Variants in SGCZ observed in about 807,000 individuals in gnomAD.
SGCZ encodes the protein sarcoglycan zeta.
SGCZ carries 40 observed loss-of-function variants against 41.3 expected under a neutral mutation model. That is an observed-to-expected ratio of 0.97 (90% CI 0.75 to 1.26). The LOEUF (loss-of-function observed/expected upper bound fraction) is 1.26, where lower values mean the gene tolerates loss of function less well. Ranked by LOEUF, SGCZ falls within the 50% of genes most tolerant of loss-of-function variation. The pLI, the probability that SGCZ is intolerant of heterozygous loss-of-function variation, is 0.00. For synonymous variants in SGCZ, 206 were observed against 137.5 expected, an observed-to-expected ratio of 1.50 and a Z score of -3.49; for missense variants, 552 against 369.8, an observed-to-expected ratio of 1.49 and a Z score of -4.04.
intron 2 of SGCZ, among the ~76,000 whole-genome samples, chr8:14,446,179 AG>A (rs1313541354): frequency 1.3e-5 from 2 of 152,168 alleles, no homozygotes; most frequent in African/African-American, 4.8e-5. Context: ...CTGAATCTTC[AG>A]CAAGCCCAGC....
chr8:14,339,050 A>G (rs1585381987), intron 2 of SGCZ, among the ~76,000 whole-genome samples: 1 of 152,226 alleles, frequency 6.6e-6, no homozygotes, highest in East Asian at 1.9e-4. Flanking sequence ...AAGTGGGAAG[A>G]AAATTAGTAA....
chr8:14,201,718 C>G (rs1275771359), intron 4 of SGCZ, among the ~76,000 whole-genome samples: 2 of 152,046 alleles, frequency 1.3e-5, no homozygotes, highest in African/African-American at 2.4e-5. Flanking sequence ...ACTATATGCA[C>G]CTGTCAAAGC....
chr8:14,222,447 C>T (rs895833284), intron 4 of SGCZ, among the ~76,000 whole-genome samples: 2 of 151,956 alleles, frequency 1.3e-5, no homozygotes, highest in South Asian at 2.1e-4. Flanking sequence ...AGATTACACA[C>T]GTGAGCCACC....
At chr8:14,193,774 G>C (rs1044282657) in intron 4 of SGCZ, among the ~76,000 whole-genome samples, 1 of 151,594 alleles carries the variant, frequency 6.6e-6, no homozygotes, top group African/African-American at 2.4e-5. Flanking sequence ...TGTCACCCTT[G>C]TCCAGTCCAA....
Position 14,098,739 on chromosome 8 carries a change from G to C in SGCZ, c.744+3637C>G, listed in dbSNP as rs999322919. 3.9e-5 allele frequency among the ~76,000 whole-genome samples: 6 copies of C among 152,254 alleles called. No individual in the cohort carries two copies. The South Asian group carries it at 6.2e-4, about 16-fold the overall frequency. ...AGGAGGGGGATATGAAAATCTAATGGAGATGTGGAGAAGAGGGCTCATGTG... is the reference window on the plus strand; with the variant it reads ...AGGAGGGGGATATGAAAATCTAATGCAGATGTGGAGAAGAGGGCTCATGTG... On this transcript the variant is annotated intron_variant, in intron 7 of 7. Transcript: ENST00000382080.
intron 1 of SGCZ, among the ~76,000 whole-genome samples, chr8:14,642,704 G>A (rs948502854): frequency 6.6e-6 from 1 of 151,064 alleles, no homozygotes; most frequent in African/African-American, 2.4e-5. Flanking sequence ...GGTCTTTTTT[G>A]TAATGTAAAT....
chr8:14,462,670 C>T (rs978616142), intron 2 of SGCZ, among the ~76,000 whole-genome samples: 2 of 151,664 alleles, frequency 1.3e-5, no homozygotes, highest in Non-Finnish European at 2.9e-5. Context: ...CCACTTTGTT[C>T]TTCTTTTTCA....
intron 1 of SGCZ, among the ~76,000 whole-genome samples, chr8:14,852,491 C>A (rs1014696192): frequency 3.9e-5 from 6 of 152,104 alleles, no homozygotes; most frequent in African/African-American, 1.4e-4. Context: ...TAATCAAAAT[C>A]AAAAATTAAT....
At chr8:14,944,266 C>A (rs1357924475) in intron 1 of SGCZ, among the ~76,000 whole-genome samples, 1 of 152,118 alleles carries the variant, frequency 6.6e-6, no homozygotes, top group Non-Finnish European at 1.5e-5. Context: ...GTTTTAAAAC[C>A]CAGTTGTCAA....
At chr8:14,291,932 C>A (rs1314736569) in intron 3 of SGCZ, among the ~76,000 whole-genome samples, 5 of 151,974 alleles carry the variant, frequency 3.3e-5, no homozygotes, top group Non-Finnish European at 5.9e-5. Context: ...AAAGCCCCAA[C>A]TACTTTAATA....
intron 4 of SGCZ, among the ~76,000 whole-genome samples, chr8:14,182,143 C>T (rs1804748765): frequency 6.6e-6 from 1 of 152,142 alleles, no homozygotes; most frequent in African/African-American, 2.4e-5. Context: ...TCATACTCTA[C>T]TCAGGGACTC....
intron 1 of SGCZ, among the ~76,000 whole-genome samples, chr8:14,919,618 A>T (rs966022734): frequency 6.6e-6 from 1 of 152,082 alleles, no homozygotes; most frequent in Non-Finnish European, 1.5e-5. Flanking sequence ...TGACAGTAGT[A>T]CTATCTATTA....
At chr8:14,836,799 C>T (rs1456145681) in intron 1 of SGCZ, among the ~76,000 whole-genome samples, 1 of 152,080 alleles carries the variant, frequency 6.6e-6, no homozygotes, top group African/African-American at 2.4e-5. Flanking sequence ...ACATCCTGGG[C>T]CCATAATTAT....
At chr8:14,146,890 A>AAAAAAAAAAAAAAAAATAAT (rs1182329393) in intron 5 of SGCZ, among the ~76,000 whole-genome samples, 1 of 116,182 alleles carries the variant, frequency 8.6e-6, no homozygotes, top group South Asian at 2.5e-4. Context: ...AAAATAAAAA[A>AAAAAAAAAAAAAAAAATAAT]AATAATAATA....
At chr8:15,066,502 A>C (rs1404853956) in intron 1 of SGCZ, among the ~76,000 whole-genome samples, 1 of 151,946 alleles carries the variant, frequency 6.6e-6, no homozygotes, top group Admixed American at 6.6e-5. Context: ...TTAAATTTTT[A>C]TTTTCGGGTT....
chr8:14,392,997 C>A (rs1486582021), intron 2 of SGCZ, among the ~76,000 whole-genome samples: 2 of 152,038 alleles, frequency 1.3e-5, no homozygotes, highest in African/African-American at 4.8e-5. Context: ...GGAGATAGAA[C>A]TCAAACTGTA....
At position 14,219,014 on chromosome 8, in the gene SGCZ, G is replaced by C. The variant is rs141847493; in HGVS notation, c.424+18578C>G. On this transcript the variant is annotated intron_variant, in intron 4 of 7. Coordinates refer to ENST00000382080, the MANE Select transcript of SGCZ (RefSeq NM_139167.4). ...TTTGGCATTTGAACCAAACTGGAGA[G>C]GTGAAAAAGCTTGATAAGTGGGTGC... Among the ~76,000 whole-genome samples the C allele has an allele frequency of 4.0e-3, 605 of 152,326 alleles. 4 individuals are homozygous for C. The highest frequency in any genetic ancestry group is 0.014 in the African/African-American group (577 of 41,564).
At chr8:14,569,730 T>G (rs1050796438) in intron 1 of SGCZ, among the ~76,000 whole-genome samples, 1 of 152,194 alleles carries the variant, frequency 6.6e-6, no homozygotes, top group African/African-American at 2.4e-5. Flanking sequence ...GGGCAGCCTG[T>G]CGAGGCCTCT....
At chr8:15,189,756 G>C (rs554462141) in intron 1 of SGCZ, among the ~76,000 whole-genome samples, 1 of 152,042 alleles carries the variant, frequency 6.6e-6, no homozygotes, top group African/African-American at 2.4e-5. Flanking sequence ...TTACCATGTT[G>C]CCCAGGCTGG....
Sources: gnomAD v4.1 joint callset for allele counts (sites outside exome capture counted in the v4.1 genomes callset) on GRCh38, gnomAD v4.1.1 for gene constraint, MANE v1.5 for transcripts, NCBI Gene and HGNC (gene_info 2026-07-23, HGNC 2026-07-21) for gene names.